LRBA: variants seen among roughly 807,000 people sequenced by gnomAD.
LRBA encodes lipopolysaccharide-responsive and beige-like anchor protein.
LRBA carries 176 observed loss-of-function variants against 330.0 expected under a neutral mutation model. The ratio of observed to expected loss-of-function variants is 0.53; its 90% CI spans 0.47 to 0.60. The LOEUF (loss-of-function observed/expected upper bound fraction) is 0.60. LRBA is among the 20% of genes least tolerant of loss of function. LRBA has a pLI of 0.00. For missense variants in LRBA, 3,259 were observed against 3,444.8 expected (o/e 0.95, Z 1.35); for synonymous variants, 1,230 against 1,193.0 (o/e 1.03, Z -0.64).
intron 2 of LRBA, among the ~76,000 whole-genome samples, chr4:150,982,966 T>G (rs1741022268): frequency 1.3e-5 from 2 of 152,202 alleles, no homozygotes; most frequent in Non-Finnish European, 2.9e-5. Context: ...TCCAGTCTGA[T>G]GATTTTTCCA....
At chr4:150,475,281 G>A (rs1756584328) in intron 42 of LRBA, among the ~76,000 whole-genome samples, 1 of 152,124 alleles carries the variant, frequency 6.6e-6, no homozygotes, top group African/African-American at 2.4e-5. Context: ...TGGTATTGAG[G>A]TGACTGACCT....
chr4:150,553,619 A>G (rs1349792275), intron 40 of LRBA, among the ~76,000 whole-genome samples: 3 of 152,174 alleles, frequency 2.0e-5, no homozygotes, highest in Admixed American at 6.5e-5. Context: ...TCAAGTCAGA[A>G]AGTTAAGAAT....
At chr4:150,878,233 G>A (rs1754280167) in intron 17 of LRBA, among the ~76,000 whole-genome samples, 1 of 152,012 alleles carries the variant, frequency 6.6e-6, no homozygotes, top group Admixed American at 6.5e-5. Context: ...CAGCTACTCA[G>A]GAGGCTGAGG....
intron 40 of LRBA, among the ~76,000 whole-genome samples, chr4:150,505,796 G>GT (rs1760992678): frequency 6.6e-6 from 1 of 152,126 alleles, no homozygotes; most frequent in Admixed American, 6.5e-5. Flanking sequence ...CCAGGAGTTG[G>GT]TTTTTTGAAA....
chr4:150,443,548 G>T (rs1230884491), intron 44 of LRBA, among the ~76,000 whole-genome samples: 1 of 152,030 alleles, frequency 6.6e-6, no homozygotes, highest in African/African-American at 2.4e-5. Context: ...TCCTTTGTAG[G>T]AACATGGATG....
chr4:150,951,066 C>G (rs1054023259), intron 2 of LRBA, among the ~76,000 whole-genome samples: 1 of 152,168 alleles, frequency 6.6e-6, no homozygotes, highest in African/African-American at 2.4e-5. Context: ...CCTAGCTGCA[C>G]CATAAATGGA....
At chr4:150,504,179 T>C (rs1760713779) in intron 40 of LRBA, among the ~76,000 whole-genome samples, 1 of 152,128 alleles carries the variant, frequency 6.6e-6, no homozygotes, top group South Asian at 2.1e-4. Flanking sequence ...CAGGATATTA[T>C]CCAGGAGAAC....
chr4:150,453,171 T>A (rs896425992), intron 44 of LRBA, among the ~76,000 whole-genome samples: 18 of 152,228 alleles, frequency 1.2e-4, no homozygotes, highest in Admixed American at 8.5e-4. Context: ...CTAGAAGGCT[T>A]TTTAAAAATT....
intron 37 of LRBA, among the ~76,000 whole-genome samples, chr4:150,603,040 C>G (rs1019952409): frequency 6.6e-6 from 1 of 152,170 alleles, no homozygotes; most frequent in African/African-American, 2.4e-5. Flanking sequence ...AAACTTCACT[C>G]ATATCCATTT....
At chr4:150,557,286 T>C (rs1218169661) in intron 40 of LRBA, among the ~76,000 whole-genome samples, 1 of 152,092 alleles carries the variant, frequency 6.6e-6, no homozygotes, top group Non-Finnish European at 1.5e-5. Context: ...AATTCATGAG[T>C]CCATAGCAAT....
intron 20 of LRBA, among the ~76,000 whole-genome samples, chr4:150,869,630 G>A (rs567168591): frequency 1.3e-5 from 2 of 152,292 alleles, no homozygotes; most frequent in South Asian, 2.1e-4. Context: ...AGAGGTTACA[G>A]TGGCTGAGAT....
intron 34 of LRBA, among the ~76,000 whole-genome samples, chr4:150,787,566 G>A (rs1739266282): frequency 1.3e-5 from 2 of 151,834 alleles, no homozygotes; most frequent in African/African-American, 4.8e-5. Context: ...TATTTATGGG[G>A]TACATGAGAT....
At chr4:150,443,868 ATATATTTTT>A (rs1236414233) in intron 44 of LRBA, among the ~76,000 whole-genome samples, 1 of 55,422 alleles carries the variant, frequency 1.8e-5, no homozygotes, top group Non-Finnish European at 4.7e-5. Context: ...ATATATATAT[ATATATTTTT>A]TTTTTTTTTT....
At position 150,730,933 on chromosome 4, in the gene LRBA, G is replaced by A. The variant is rs532632879; in HGVS notation, c.5754+4325C>T. ...CTTGGGTGGCTGAGTCATGAGAATCGCCTGAACCAGGGCAGTGGAGGTTGC... is the reference window on the plus strand; with the variant it reads ...CTTGGGTGGCTGAGTCATGAGAATCACCTGAACCAGGGCAGTGGAGGTTGC... On this transcript the variant is annotated intron_variant, in intron 36 of 56. Coordinates refer to ENST00000651943, the MANE Select transcript of LRBA (RefSeq NM_001364905.1). Among the ~76,000 whole-genome samples, 11 of 150,502 alleles carry A rather than the reference G, an allele frequency of 7.3e-5. No homozygotes were observed. In the South Asian group the frequency reaches 1.1e-3, roughly 15 times the overall value.
intron 37 of LRBA, among the ~76,000 whole-genome samples, chr4:150,658,772 T>A (rs1383106888): frequency 2.0e-4 from 3 of 14,788 alleles, no homozygotes; most frequent in African/African-American, 3.5e-4. Context: ...CCTCTCCCTC[T>A]CCCCACGGTC....
intron 34 of LRBA, among the ~76,000 whole-genome samples, chr4:150,774,034 G>A (rs574172523): frequency 5.3e-5 from 8 of 152,230 alleles, no homozygotes; most frequent in African/African-American, 1.7e-4. Flanking sequence ...AAATTTTGGT[G>A]GCACACCAGT....
In LRBA at chr4:150,485,142, G is replaced by A. The variant is rs141862171; in HGVS notation, c.6551+2590C>T. On this transcript the variant is annotated intron_variant, in intron 42 of 56. Coordinates refer to ENST00000651943, the MANE Select transcript of LRBA (RefSeq NM_001364905.1). The stretch of plus-strand genomic sequence containing the variant: ...TTATACATGTGACACAGATCAAGGT[G>A]GTTAATAATGTTCCAGTCTTCAGTA... Among the ~76,000 whole-genome samples the A allele has an allele frequency of 6.6e-4, 100 of 152,020 alleles. 2 individuals carry two copies. In the East Asian group the frequency reaches 0.019, roughly 29 times the overall value.
rs1012358861 is a variant in LRBA at position 151,011,853 on chromosome 4, A to AT, written c.216+2573dup. ...CCATGCCCAGCTAATTTTTTATTTA[A>AT]TTTTTTTTTTTGTAGAGACAGGGTC... On this transcript the variant is annotated intron_variant, in intron 2 of 56. Transcript: ENST00000651943. Among the ~76,000 whole-genome samples the AT allele has an allele frequency of 6.9e-3, 1,003 of 146,362 alleles. 39 individuals are homozygous for AT. Among genetic ancestry groups the AT allele is most frequent in the Admixed American group, 0.051 (744 of 14,528 alleles).
chr4:150,282,775 C>T, intron 54 of LRBA, 129 bp from the exon 55 acceptor site: 1 of 635,476 alleles, frequency 1.6e-6, no homozygotes, highest in Non-Finnish European at 2.5e-6. Flanking sequence ...TAAAAAACTT[C>T]CATCTTACGT....
Sources: gnomAD v4.1 joint callset for allele counts (sites outside exome capture counted in the v4.1 genomes callset) on GRCh38, gnomAD v4.1.1 for gene constraint, MANE v1.5 for transcripts, NCBI Gene and HGNC (gene_info 2026-07-23, HGNC 2026-07-21) for gene names.